TMEM132D: variants seen among roughly 807,000 people sequenced by gnomAD.
The protein encoded by TMEM132D is mature OL transmembrane protein.
In TMEM132D, 21 loss-of-function variants were observed where a neutral mutation model predicts 62.3. The ratio of observed to expected loss-of-function variants is 0.34; its 90% CI spans 0.24 to 0.49. The LOEUF (loss-of-function observed/expected upper bound fraction) is 0.49, where lower values mean the gene tolerates loss of function less well. Among genes scored for constraint, TMEM132D ranks in the 20% least tolerant of loss-of-function variants. The pLI, the probability that TMEM132D is intolerant of heterozygous loss-of-function variation, is 0.99. For missense variants in TMEM132D, 1,346 were observed against 1,402.8 expected (o/e 0.96, Z 0.65); for synonymous variants, 621 against 575.6 (o/e 1.08, Z -1.13).
In TMEM132D at chr12:129,902,464, G is replaced by A. The variant is rs1875392287; in HGVS notation, c.79+797C>T. Among the ~76,000 whole-genome samples the A allele has an allele frequency of 2.0e-5, 3 of 151,988 alleles. No individual in the cohort carries two copies. In the Admixed American group the frequency reaches 2.0e-4, roughly 10 times the overall value. On this transcript the variant is annotated intron_variant, in intron 1 of 8. Coordinates refer to ENST00000422113, the MANE Select transcript of TMEM132D (RefSeq NM_133448.3). ...CACAAATCACACCATTTCTCTTCAAGGAAGAATGACTGTCCAGAGCTTCCA... is the reference window on the plus strand; with the variant it reads ...CACAAATCACACCATTTCTCTTCAAAGAAGAATGACTGTCCAGAGCTTCCA...
At chr12:129,399,534 C>G (rs927302714) in intron 3 of TMEM132D, among the ~76,000 whole-genome samples, 2 of 151,586 alleles carry the variant, frequency 1.3e-5, no homozygotes, top group Non-Finnish European at 2.9e-5. Context: ...GGTCCCACCT[C>G]TCTACACTGG....
rs143110511 is a variant in TMEM132D at position 129,160,512 on chromosome 12, T to A, written c.1443+49008A>T. On this transcript the variant is annotated intron_variant, in intron 5 of 8. Transcript: ENST00000422113. ...ATGGAACTGAATCTGCTGACATCCC[T>A]CTTGCTTAGGAATGAAACTAACATG... is the stretch of plus-strand genomic sequence containing the variant. 1.7e-3 allele frequency among the ~76,000 whole-genome samples: 260 copies of A among 152,328 alleles called. 2 individuals carry two copies. Among genetic ancestry groups the A allele is most frequent in the African/African-American group, 5.9e-3 (246 of 41,584 alleles).
At chr12:129,682,106 G>GT (rs1383167565) in intron 2 of TMEM132D, among the ~76,000 whole-genome samples, 1 of 152,108 alleles carries the variant, frequency 6.6e-6, no homozygotes, top group Non-Finnish European at 1.5e-5. Flanking sequence ...CTTCTTTATA[G>GT]TTTAAGTCAG....
chr12:129,180,052 G>T (rs1278930731), intron 5 of TMEM132D, among the ~76,000 whole-genome samples: 1 of 150,714 alleles, frequency 6.6e-6, no homozygotes, highest in Non-Finnish European at 1.5e-5. Context: ...AAAAAAAAAA[G>T]TGACACCATG....
intron 5 of TMEM132D, among the ~76,000 whole-genome samples, chr12:129,162,279 A>G (rs1877421054): frequency 6.6e-6 from 1 of 152,174 alleles, no homozygotes; most frequent in Admixed American, 6.5e-5. Context: ...GAGGACATGG[A>G]GAGAAGGCAG....
At chr12:129,260,536 T>C (rs78211305) in intron 4 of TMEM132D, among the ~76,000 whole-genome samples, 3,333 of 152,136 alleles carry the variant, frequency 0.022, 125 homozygotes, top group African/African-American at 0.077. Context: ...ATTTCAACAG[T>C]TTTTTAGGGT....
chr12:129,329,287 G>C lies in TMEM132D; in HGVS notation c.1299+8347C>G, dbSNP rs1222158592. 3.9e-5 allele frequency among the ~76,000 whole-genome samples: 6 copies of C among 152,120 alleles called. No homozygotes were observed. In the East Asian group the frequency reaches 1.2e-3, roughly 29 times the overall value. Reference sequence around the variant, plus strand: ...ACACACAATGCAAGAAGGTGCTTTAGAGAAGAGATTTTTTCAAGGGCTGTC... The same window carrying C: ...ACACACAATGCAAGAAGGTGCTTTACAGAAGAGATTTTTTCAAGGGCTGTC... On this transcript the variant is annotated intron_variant, in intron 4 of 8. Coordinates refer to ENST00000422113, the MANE Select transcript of TMEM132D (RefSeq NM_133448.3).
chr12:129,556,219 C>A (rs1459688006), intron 2 of TMEM132D, among the ~76,000 whole-genome samples: 1 of 152,156 alleles, frequency 6.6e-6, no homozygotes, highest in East Asian at 1.9e-4. Context: ...CATTCTCTAA[C>A]ACAAACATTC....
In TMEM132D at chr12:129,849,003, A is replaced by G. The variant is rs543846022; in HGVS notation, c.79+54258T>C. On this transcript the variant is annotated intron_variant, in intron 1 of 8. Coordinates refer to ENST00000422113, the MANE Select transcript of TMEM132D (RefSeq NM_133448.3). Reference sequence around the variant, plus strand: ...GCCTCTCGTATAATTGCAAATTATCATTTTAAGGCTGGAATATTCATTCAC... The same window carrying G: ...GCCTCTCGTATAATTGCAAATTATCGTTTTAAGGCTGGAATATTCATTCAC... 1.4e-4 allele frequency among the ~76,000 whole-genome samples: 21 copies of G among 152,222 alleles called. No individual in the cohort carries two copies. In the South Asian group the frequency reaches 3.9e-3, roughly 29 times the overall value.
At chr12:129,261,012 C>A (rs1880536779) in intron 4 of TMEM132D, among the ~76,000 whole-genome samples, 1 of 152,050 alleles carries the variant, frequency 6.6e-6, no homozygotes, top group African/African-American at 2.4e-5. Flanking sequence ...CCTTCTTTTC[C>A]TTTTGGTGGA....
chr12:129,583,463 AC>A lies in TMEM132D; in HGVS notation c.969-52259del, dbSNP rs1304945064. Among the ~76,000 whole-genome samples the A allele has an allele frequency of 2.6e-5, 4 of 152,328 alleles. No individual in the cohort carries two copies. In the East Asian group the frequency reaches 7.7e-4, roughly 29 times the overall value. On this transcript the variant is annotated intron_variant, in intron 2 of 8. Transcript: ENST00000422113. ...TTTGTCAAAACTCACAGAACTATAC[AC>A]CACAATGGGTGACGTTGACTCTTTG...
intron 1 of TMEM132D, among the ~76,000 whole-genome samples, chr12:129,790,232 G>A (rs1798174003): frequency 6.6e-6 from 1 of 152,202 alleles, no homozygotes; most frequent in Non-Finnish European, 1.5e-5. Context: ...CCCAGTAGGA[G>A]TGTTACAGCT....
rs1219239554 is a variant in TMEM132D, at chr12:129,490,352, GTA to G, written c.1115+40705_1115+40706del. Among the ~76,000 whole-genome samples the G allele has an allele frequency of 2.0e-5, 3 of 150,414 alleles. No homozygotes were observed. In the East Asian group the frequency reaches 5.9e-4, roughly 29 times the overall value. ...GAGGTTACAAACTGATAACCCACAG[GTA>G]TGTCTTGTTTGGCCTTGATGATATT... On this transcript the variant is annotated intron_variant, in intron 3 of 8. Transcript: ENST00000422113.
intron 3 of TMEM132D, among the ~76,000 whole-genome samples, chr12:129,368,608 A>G (rs1331978085): frequency 1.3e-5 from 2 of 151,828 alleles, no homozygotes; most frequent in South Asian, 2.1e-4. Flanking sequence ...ACACTCCACC[A>G]TACAGACCCC....
chr12:129,106,160 C>T (rs867428782), intron 5 of TMEM132D, among the ~76,000 whole-genome samples: 3,041 of 150,762 alleles, frequency 0.02, 101 homozygotes, highest in African/African-American at 0.07. Context: ...AGTAAACTAT[C>T]GTAAGAACAA....
intron 3 of TMEM132D, among the ~76,000 whole-genome samples, chr12:129,429,350 GA>G (rs1445011072): frequency 6.6e-6 from 1 of 151,358 alleles, no homozygotes; most frequent in Non-Finnish European, 1.5e-5. Context: ...TTTAATAGAG[GA>G]AATTGCTTTA....
chr12:129,636,589 T>C (rs1278830071), intron 2 of TMEM132D, among the ~76,000 whole-genome samples: 2 of 152,130 alleles, frequency 1.3e-5, no homozygotes, highest in African/African-American at 4.8e-5. Context: ...GGGCTTAGAA[T>C]TTTATGTTTG....
intron 3 of TMEM132D, among the ~76,000 whole-genome samples, chr12:129,355,272 CTTAAACCTA>C (rs1870003517): frequency 6.6e-6 from 1 of 152,058 alleles, no homozygotes; most frequent in African/African-American, 2.4e-5. Context: ...GTCAATGCAT[CTTAAACCTA>C]CCTGTATGCT....
Position 129,803,547 on chromosome 12 carries a change from G to C in TMEM132D, c.79+99714C>G, listed in dbSNP as rs1219927648. Among the ~76,000 whole-genome samples the C allele has an allele frequency of 4.0e-5, 6 of 151,086 alleles. No individual in the cohort carries two copies. In the South Asian group the frequency reaches 8.5e-4, roughly 21 times the overall value. On this transcript the variant is annotated intron_variant, in intron 1 of 8. Coordinates refer to ENST00000422113, the MANE Select transcript of TMEM132D (RefSeq NM_133448.3). ...TGGGACACATTCAAAGCAGTGTGTA[G>C]AGGGAAATTTATAGCACTAAATGCC...
Sources: allele counts gnomAD v4.1 joint callset (sites outside exome capture counted in the v4.1 genomes callset), GRCh38; gene constraint gnomAD v4.1.1; transcripts MANE v1.5; gene names NCBI Gene and HGNC (gene_info 2026-07-23, HGNC 2026-07-21).